NAT10: variants seen among roughly 807,000 people sequenced by gnomAD.
NAT10 encodes N-acetyltransferase 10.
In NAT10, 109 loss-of-function variants were observed where a neutral mutation model predicts 132.2. That is an observed-to-expected ratio of 0.82 (90% CI 0.71 to 0.97). NAT10 has a LOEUF of 0.97. Ranked by LOEUF, NAT10 falls within the 50% of genes least tolerant of loss-of-function variation. NAT10 has a pLI of 0.00. For synonymous variants in NAT10, 479 were observed against 478.0 expected, an observed-to-expected ratio of 1.00 and a Z score of -0.03; for missense variants, 1,184 against 1,263.4, an observed-to-expected ratio of 0.94 and a Z score of 0.95.
intron 12 of NAT10, among the ~76,000 whole-genome samples, chr11:34,128,989 T>C (rs1256991228): frequency 6.6e-6 from 1 of 152,256 alleles, no homozygotes; most frequent in South Asian, 2.1e-4. Context: ...TTCCTTTTTA[T>C]GGTTGAATAG....
intron 12 of NAT10, 105 bp downstream of exon 12, chr11:34,127,704 A>G (rs756970675): frequency 3.6e-6 from 5 of 1,382,216 alleles, no homozygotes; most frequent in Non-Finnish European, 3.9e-6. Flanking sequence ...TCTGATTCTC[A>G]GAGTCTCTGA....
chr11:34,114,991 A>G (rs1565107925), intron 5 of NAT10, among the ~76,000 whole-genome samples: 1 of 152,064 alleles, frequency 6.6e-6, no homozygotes, highest in Non-Finnish European at 1.5e-5. Context: ...CGTCTCTACC[A>G]AAAATACAAA....
chr11:34,143,362 G>C (rs889256881), intron 27 of NAT10, 83 bp from the exon 28 acceptor site: 1 of 1,215,864 alleles, frequency 8.2e-7, no homozygotes, highest in African/African-American at 1.5e-5. Flanking sequence ...TGTCTGATAA[G>C]AATGTTGTCA....
At chr11:34,132,035 C>G in intron 14 of NAT10, 90 bp from the exon 15 acceptor site, 1 of 956,514 alleles carries the variant, frequency 1.0e-6, no homozygotes, top group East Asian at 2.4e-5. Flanking sequence ...GCTCCTGTTC[C>G]CAGCTACGGA....
chr11:34,117,224 T>TG (rs1302501488), intron 6 of NAT10, among the ~76,000 whole-genome samples: 1 of 148,042 alleles, frequency 6.8e-6, no homozygotes, highest in Non-Finnish European at 1.5e-5. Context: ...TTTATTTTTT[T>TG]GAGGGGTGTG....
intron 3 of NAT10, 74 bp downstream of exon 3, chr11:34,108,907 C>T (rs1465358855): frequency 8.1e-6 from 11 of 1,362,486 alleles, no homozygotes; most frequent in African/African-American, 5.9e-5. Flanking sequence ...GAAATGATTC[C>T]TTCACATATT....
Position 34,146,196 on chromosome 11 carries a change from A to C in NAT10, c.*4A>C. ...GAAACTGAAGCGGAAGAAATAGTGA[A>C]GAGAAACTCGGGCATCTGTGTTTGA... On this transcript the variant is annotated 3_prime_UTR_variant, in exon 29 of 29. Transcript: ENST00000257829. 6.3e-7 allele frequency: 1 copy of C among 1,579,988 alleles called. No individual in the cohort carries two copies. Among genetic ancestry groups the C allele is most frequent in the Non-Finnish European group, 8.6e-7 (1 of 1,157,954 alleles).
chr11:34,136,901 G>T (rs1462435767), intron 20 of NAT10, 77 bp from the exon 21 acceptor site: 1 of 1,610,594 alleles, frequency 6.2e-7, no homozygotes, highest in Non-Finnish European at 8.5e-7. Flanking sequence ...TGCTCTTCCT[G>T]GCTCTTGCCC....
At chr11:34,133,464 G>A (rs1232040749) in intron 16 of NAT10, among the ~76,000 whole-genome samples, 1 of 152,186 alleles carries the variant, frequency 6.6e-6, no homozygotes, top group Non-Finnish European at 1.5e-5. Flanking sequence ...TTTTGAATTA[G>A]AGGCTACAGA....
rs192547185 is a variant in NAT10, at chr11:34,133,968, C to T, written c.1735-351C>T. Among the ~76,000 whole-genome samples the T allele has an allele frequency of 8.4e-3, 1,249 of 149,296 alleles. 6 individuals are homozygous for T. Among genetic ancestry groups the T allele is most frequent in the Non-Finnish European group, 0.013 (896 of 67,478 alleles). ...AAGATCAAGACCATCCTGGCTAACACGGTGAAACCCCTTCTCTACTAAAAA... is the reference window on the plus strand; with the variant it reads ...AAGATCAAGACCATCCTGGCTAACATGGTGAAACCCCTTCTCTACTAAAAA... On this transcript the variant is annotated intron_variant, in intron 16 of 28. Coordinates refer to ENST00000257829, the MANE Select transcript of NAT10 (RefSeq NM_024662.3).
intron 11 of NAT10, among the ~76,000 whole-genome samples, chr11:34,125,474 T>C (rs1039483780): frequency 2.0e-5 from 3 of 152,224 alleles, no homozygotes; most frequent in African/African-American, 7.2e-5. Flanking sequence ...CCTTACTTTA[T>C]GAGACTCCAT....
chr11:34,126,591 C>T (rs1168433896), intron 11 of NAT10, among the ~76,000 whole-genome samples: 1 of 152,136 alleles, frequency 6.6e-6, no homozygotes, highest in Non-Finnish European at 1.5e-5. Flanking sequence ...TACCAGTTTA[C>T]CCCCATGCCA....
At chr11:34,124,468 G>A in intron 11 of NAT10, 68 bp downstream of exon 11, 1 of 1,172,068 alleles carries the variant, frequency 8.5e-7, no homozygotes, top group Non-Finnish European at 1.3e-6. Context: ...GCTCTAAGAT[G>A]TTTCCTGTTA....
At chr11:34,138,612 G>A (rs868243161) in intron 21 of NAT10, among the ~76,000 whole-genome samples, 9 of 152,150 alleles carry the variant, frequency 5.9e-5, no homozygotes, top group Admixed American at 2.0e-4. Context: ...TGTGGTCTGC[G>A]GTGTGTCCGT....
chr11:34,111,443 G>A (rs1294170087), intron 3 of NAT10, among the ~76,000 whole-genome samples: 1 of 152,188 alleles, frequency 6.6e-6, no homozygotes. Context: ...CTCTCTTTTG[G>A]TAAAGGAAAG....
Position 34,146,132 on chromosome 11 carries a change from G to A in NAT10, c.3018G>A (p.Lys1006=). Residue 1006 remains lysine (K), a synonymous_variant, in exon 29 of 29, where the codon AAG becomes AAA. Coordinates refer to ENST00000257829, the MANE Select transcript of NAT10 (RefSeq NM_024662.3). ...CCAAACAAGAACCCAAACAGAGCAA[G>A]AAGTTGAAGAACAGAGAGACAAAGA... ...LEAKQEPKQS[K]KLKNRETKNK... The A allele has an allele frequency of 6.2e-7, 1 of 1,610,776 alleles. No homozygotes were observed. Among genetic ancestry groups the A allele is most frequent in the Non-Finnish European group, 8.5e-7 (1 of 1,179,018 alleles).
intron 19 of NAT10, 107 bp from the exon 20 acceptor site, chr11:34,136,535 T>C: frequency 1.5e-6 from 2 of 1,342,344 alleles, no homozygotes. Flanking sequence ...AAGAAACCTC[T>C]CCCAGTTTTT....
chr11:34,142,448 G>T, intron 27 of NAT10, 100 bp downstream of exon 27: 6 of 983,088 alleles, frequency 6.1e-6, no homozygotes, highest in Admixed American at 2.1e-5. Flanking sequence ...CCTGGAAAGT[G>T]TCTTTCATGG....
intron 5 of NAT10, among the ~76,000 whole-genome samples, chr11:34,114,401 A>G (rs149004919): frequency 5.3e-4 from 81 of 151,486 alleles, no homozygotes; most frequent in Non-Finnish European, 7.1e-4. Flanking sequence ...GTCAGTGTTC[A>G]GAGGCAAGTT....
Sources: allele counts gnomAD v4.1 joint callset (sites outside exome capture counted in the v4.1 genomes callset), GRCh38; gene constraint gnomAD v4.1.1; transcripts MANE v1.5; gene names NCBI Gene and HGNC (gene_info 2026-07-23, HGNC 2026-07-21).